The following SBNO2 variants were observed in gnomAD, a reference collection of about 807,000 sequenced individuals.
SBNO2 encodes the protein strawberry notch homolog 2, also known as protein strawberry notch homolog 2.
Under a neutral mutation model 146.3 loss-of-function variants are expected in SBNO2, and 89 were observed. The observed-to-expected ratio is 0.61, with a 90% CI of 0.51 to 0.73. The LOEUF is 0.73. Among genes scored for constraint, SBNO2 ranks in the 30% least tolerant of loss-of-function variants. SBNO2 has a pLI of 0.00. For synonymous variants in SBNO2, 1,147 were observed against 892.6 expected (o/e 1.29, Z -5.08); for missense variants, 2,092 against 2,003.7 (o/e 1.04, Z -0.84).
intron 4 of SBNO2, chr19:1,132,318 G>T: frequency 7.7e-7 from 1 of 1,295,292 alleles, no homozygotes; most frequent in Non-Finnish European, 9.8e-7. Flanking sequence ...TAAGGCCGGG[G>T]CTGACTTTCA....
At chr19:1,147,056 C>T (rs1200799596) in intron 4 of SBNO2, among the ~76,000 whole-genome samples, 1 of 152,070 alleles carries the variant, frequency 6.6e-6, no homozygotes, top group East Asian at 1.9e-4. Context: ...TGGCATTGCC[C>T]AGATGCTCGC....
At chr19:1,142,429 C>T (rs1040508181) in intron 4 of SBNO2, among the ~76,000 whole-genome samples, 18 of 152,250 alleles carry the variant, frequency 1.2e-4, no homozygotes, top group Admixed American at 2.6e-4. Context: ...AAACTCAGGG[C>T]TCAGGTGTAT....
Position 1,109,398 on chromosome 19 carries a change from A to AG in SBNO2, c.3241dup (p.Leu1081ProfsTer73). ...CTGGCCGCGGTTCTGCTCCGCCAGCAGGCAGCTGGGCTTGTTACCGCGGAC... is the reference window on the plus strand; with the variant it reads ...CTGGCCGCGGTTCTGCTCCGCCAGCAGGGCAGCTGGGCTTGTTACCGCGGAC... On this transcript the variant is annotated frameshift_variant, in exon 29 of 32. Coordinates refer to ENST00000361757, the MANE Select transcript of SBNO2 (RefSeq NM_014963.3). LOFTEE classifies it high-confidence loss of function. The surrounding 1 kb of genome is among the most constrained non-coding windows in gnomAD (Gnocchi z 4.2). 6.4e-7 allele frequency: 1 copy of AG among 1,569,340 alleles called. No homozygotes were observed. Among genetic ancestry groups the AG allele is most frequent in the Non-Finnish European group, 8.6e-7 (1 of 1,158,176 alleles).
rs2080496332 is a variant in SBNO2, at chr19:1,173,018, G to T, written c.-127+1154C>A. On this transcript the variant is annotated intron_variant, in intron 1 of 31. Transcript: ENST00000361757. This position sits in a 1 kb window ranked among gnomAD's most constrained non-coding sequence, Gnocchi z 4.7. ...TTTTTTTTTTTTTTTTAACTTTTCA[G>T]AATGTTAATCAGTTCATCCAGGGAG... Among the ~76,000 whole-genome samples, 1 of 146,662 alleles carries T rather than the reference G, an allele frequency of 6.8e-6. No homozygotes were observed.
rs967978866 is a variant in SBNO2, at chr19:1,119,428, C to T, written c.1373+88G>A. The stretch of plus-strand genomic sequence containing the variant: ...CACCTCTGGGTGCTGGGGAAGCACA[C>T]GTGGCAGTGCCAGGCCTTGGGCTGA... On this transcript the variant is annotated intron_variant, in intron 13 of 31. Coordinates refer to ENST00000361757, the MANE Select transcript of SBNO2 (RefSeq NM_014963.3). 6.5e-5 allele frequency: 70 copies of T among 1,072,804 alleles called. No individual in the cohort carries two copies. In the Middle Eastern group the frequency reaches 9.0e-4, roughly 14 times the overall value. The allele number at this position is 1,072,804 out of a possible 1,614,324, so 66.5% of individuals were successfully genotyped here. A position where few individuals can be genotyped will look rare whatever the true frequency, so the allele number is the denominator to read the frequency against.
chr19:1,119,514 A>C lies in SBNO2; in HGVS notation c.1373+2T>G. On this transcript the variant is annotated splice_donor_variant, in intron 13 of 31. Transcript: ENST00000361757. LOFTEE classifies it high-confidence loss of function. ...CTCCACGTGGGTGAGAAGGGCACTCACCTCTTCTCGATGGCGTGCAGGAAC... is the reference window on the plus strand; with the variant it reads ...CTCCACGTGGGTGAGAAGGGCACTCCCCTCTTCTCGATGGCGTGCAGGAAC... 6.3e-7 allele frequency: 1 copy of C among 1,594,708 alleles called. No homozygotes were observed. Among genetic ancestry groups the C allele is most frequent in the Admixed American group, 1.7e-5 (1 of 58,264 alleles).
chr19:1,118,467 C>T (rs1311005111), intron 14 of SBNO2, among the ~76,000 whole-genome samples: 4 of 152,320 alleles, frequency 2.6e-5, no homozygotes, highest in East Asian at 1.9e-4. Context: ...ATGCTGAACA[C>T]GGCTACCAAC....
chr19:1,118,939 C>A, intron 14 of SBNO2, 72 bp downstream of exon 14: 1 of 1,481,174 alleles, frequency 6.8e-7, no homozygotes, highest in Middle Eastern at 1.8e-4. Flanking sequence ...CCTGTGGCAT[C>A]TGCAAGGCCA....
intron 2 of SBNO2, among the ~76,000 whole-genome samples, chr19:1,151,401 G>A (rs1198120999): frequency 6.6e-6 from 1 of 152,182 alleles, no homozygotes; most frequent in East Asian, 1.9e-4. Flanking sequence ...TGGGACGGGG[G>A]GAAAGTCCTG....
intron 4 of SBNO2, among the ~76,000 whole-genome samples, chr19:1,147,001 C>T (rs1224385545): frequency 6.6e-6 from 1 of 152,152 alleles, no homozygotes; most frequent in Non-Finnish European, 1.5e-5. Context: ...GCAAAGGCTG[C>T]CAAGGGCATC....
Position 1,158,316 on chromosome 19 carries a change from C to G in SBNO2, c.-126-3914G>C, listed in dbSNP as rs576645069. On this transcript the variant is annotated intron_variant, in intron 1 of 31. Coordinates refer to ENST00000361757, the MANE Select transcript of SBNO2 (RefSeq NM_014963.3). The surrounding 1 kb of genome is among the most constrained non-coding windows in gnomAD (Gnocchi z 9.9). ...CGGAGCCCGGTTCTCCTGCCGTCCT[C>G]TCGCCGAGCAGGGTTGTGACCCCCG... Among the ~76,000 whole-genome samples, 205 of 152,264 alleles carry G rather than the reference C, an allele frequency of 1.3e-3. No individual in the cohort carries two copies. The highest frequency in any genetic ancestry group is 4.7e-3 in the African/African-American group (197 of 41,532).
intron 4 of SBNO2, among the ~76,000 whole-genome samples, chr19:1,143,037 AG>A (rs2080155392): frequency 6.6e-6 from 1 of 152,222 alleles, no homozygotes; most frequent in Non-Finnish European, 1.5e-5. Context: ...CTCCCAGCCC[AG>A]GAACAGGTTC....
intron 4 of SBNO2, among the ~76,000 whole-genome samples, chr19:1,146,998 C>T (rs1568615812): frequency 6.6e-6 from 1 of 152,146 alleles, no homozygotes; most frequent in Admixed American, 6.5e-5. Context: ...GGGGCAAAGG[C>T]TGCCAAGGGC....
At chr19:1,145,293 C>G (rs1164110653) in intron 4 of SBNO2, among the ~76,000 whole-genome samples, 1 of 146,054 alleles carries the variant, frequency 6.8e-6, no homozygotes, top group African/African-American at 2.6e-5. Context: ...ATGGAGAAAC[C>G]CTGTCTCTAC....
intron 7 of SBNO2, 113 bp from the exon 8 acceptor site, chr19:1,123,158 G>T (rs2079924355): frequency 2.4e-6 from 3 of 1,254,810 alleles, no homozygotes; most frequent in Non-Finnish European, 3.3e-6. Context: ...GGGGCAGTTT[G>T]GGGGCGTGGC....
Position 1,158,681 on chromosome 19 carries a change from C to T in SBNO2, c.-126-4279G>A, listed in dbSNP as rs1203044679. ...GGTGATGGAGCCCGGCAGAGGCCAC[C>T]GCACAGTCCCTGGAGGCCGCATTAC... is the stretch of plus-strand genomic sequence containing the variant. On this transcript the variant is annotated intron_variant, in intron 1 of 31. Transcript: ENST00000361757. The surrounding 1 kb of genome is among the most constrained non-coding windows in gnomAD (Gnocchi z 9.9). Among the ~76,000 whole-genome samples, 2 of 152,158 alleles carry T rather than the reference C, an allele frequency of 1.3e-5. No individual in the cohort carries two copies. The highest frequency in any genetic ancestry group is 1.5e-5 in the Non-Finnish European group (1 of 68,006).
chr19:1,124,495 G>C (rs1041915194), intron 5 of SBNO2, among the ~76,000 whole-genome samples: 2 of 152,174 alleles, frequency 1.3e-5, no homozygotes, highest in African/African-American at 2.4e-5. Context: ...AGGAGACAGA[G>C]GCAGTGGGGG....
intron 1 of SBNO2, among the ~76,000 whole-genome samples, chr19:1,166,616 C>T (rs1292154837): frequency 4.7e-5 from 1 of 21,248 alleles, no homozygotes; most frequent in African/African-American, 1.1e-4. Context: ...CAACTGCACG[C>T]GCACACACAC....
At position 1,157,672 on chromosome 19, in the gene SBNO2, C is replaced by T. The variant is rs1267003892; in HGVS notation, c.-126-3270G>A. The stretch of plus-strand genomic sequence containing the variant: ...ATGTGGCTTCCTTCTGAAATCAGGT[C>T]TTCAAGGGAGTCGTTGTAAAAGAGA... On this transcript the variant is annotated intron_variant, in intron 1 of 31. Coordinates refer to ENST00000361757, the MANE Select transcript of SBNO2 (RefSeq NM_014963.3). The surrounding 1 kb of genome is among the most constrained non-coding windows in gnomAD (Gnocchi z 6.8). 2.0e-5 allele frequency among the ~76,000 whole-genome samples: 3 copies of T among 152,178 alleles called. No homozygotes were observed. The highest frequency in any genetic ancestry group is 4.4e-5 in the Non-Finnish European group (3 of 68,030).
Sources: gnomAD v4.1 joint callset for allele counts (sites outside exome capture counted in the v4.1 genomes callset) on GRCh38, gnomAD v4.1.1 for gene constraint, Gnocchi (gnomAD v3.1) non-coding constraint, MANE v1.5 for transcripts, NCBI Gene and HGNC (gene_info 2026-07-23, HGNC 2026-07-21) for gene names.